Variants in PRKN observed in about 807,000 individuals in gnomAD.
PRKN encodes the protein parkin RBR E3 ubiquitin protein ligase.
A neutral mutation model predicts 59.5 loss-of-function variants in PRKN; 56 were observed. That is an observed-to-expected ratio of 0.94 (90% CI 0.76 to 1.18). The LOEUF (loss-of-function observed/expected upper bound fraction) is 1.18. Ranked by LOEUF, PRKN falls within the 50% of genes most tolerant of loss-of-function variation. PRKN has a pLI of 0.00. For missense variants in PRKN, 657 were observed against 596.4 expected, an observed-to-expected ratio of 1.10 and a Z score of -1.06; for synonymous variants, 250 against 222.1, an observed-to-expected ratio of 1.13 and a Z score of -1.12.
rs556411996 is a variant in PRKN, at chr6:162,322,596, T to C, written c.172-59831A>G. ...GAATTGACATCAAGATAAATAAATA[T>C]ATCAATGGAACAAAATGAGGGTAAA... On this transcript the variant is annotated intron_variant, in intron 2 of 11. Transcript: ENST00000366898. Among the ~76,000 whole-genome samples, 5 of 152,212 alleles carry C rather than the reference T, an allele frequency of 3.3e-5. No individual in the cohort carries two copies. In the South Asian group the frequency reaches 8.3e-4, roughly 25 times the overall value.
At position 161,518,052 on chromosome 6, in the gene PRKN, G is replaced by A. The variant is rs982467474; in HGVS notation, c.1083+30802C>T. 1.3e-5 allele frequency among the ~76,000 whole-genome samples: 2 copies of A among 152,198 alleles called. No individual in the cohort carries two copies. Among genetic ancestry groups the A allele is most frequent in the Non-Finnish European group, 2.9e-5 (2 of 68,034 alleles). On this transcript the variant is annotated intron_variant, in intron 9 of 11. Coordinates refer to ENST00000366898, the MANE Select transcript of PRKN (RefSeq NM_004562.3). This position sits in a 1 kb window ranked among gnomAD's most constrained non-coding sequence, Gnocchi z 5.0. ...TTGGCTGCACAGTGGCTTCAAGCTG[G>A]AGGGAGATTTGGCTTCTATGAGGGC...
intron 6 of PRKN, among the ~76,000 whole-genome samples, chr6:161,800,994 G>A (rs545849078): frequency 6.6e-6 from 1 of 152,146 alleles, no homozygotes; most frequent in Non-Finnish European, 1.5e-5. Context: ...GTACCTAGGA[G>A]GAGCTCCAAA....
chr6:162,119,103 G>A (rs1780799600), intron 4 of PRKN, among the ~76,000 whole-genome samples: 1 of 152,202 alleles, frequency 6.6e-6, no homozygotes, highest in African/African-American at 2.4e-5. Context: ...TACCTTCAAA[G>A]ATTTCCTTTA....
intron 7 of PRKN, among the ~76,000 whole-genome samples, chr6:161,687,184 C>A (rs1480152191): frequency 6.6e-6 from 1 of 151,356 alleles, no homozygotes; most frequent in East Asian, 2.0e-4. Context: ...GTCAGGAGTT[C>A]GAGACTAGTC....
chr6:161,628,879 A>C (rs1783193044), intron 7 of PRKN, among the ~76,000 whole-genome samples: 1 of 152,254 alleles, frequency 6.6e-6, no homozygotes, highest in African/African-American at 2.4e-5. Context: ...GCAGATAACC[A>C]GAGTGCTGAG....
At chr6:162,037,871 G>A (rs768829549) in intron 5 of PRKN, among the ~76,000 whole-genome samples, 8 of 151,522 alleles carry the variant, frequency 5.3e-5, no homozygotes, top group South Asian at 2.1e-4. Flanking sequence ...GTGAAAGTAC[G>A]TTGGCTAATT....
chr6:161,633,904 GA>G (rs1783408741), intron 7 of PRKN, among the ~76,000 whole-genome samples: 2 of 151,844 alleles, frequency 1.3e-5, no homozygotes, highest in African/African-American at 4.8e-5. Context: ...CCTGTCAGAC[GA>G]ATTAAAATGA....
At chr6:161,864,802 G>GT in intron 6 of PRKN, among the ~76,000 whole-genome samples, 1 of 36,310 alleles carries the variant, frequency 2.8e-5, no homozygotes, top group Non-Finnish European at 5.8e-5. Flanking sequence ...GATTACAGTC[G>GT]CCCACCACAC....
At chr6:162,613,232 A>T (rs1242422743) in intron 1 of PRKN, among the ~76,000 whole-genome samples, 1 of 152,222 alleles carries the variant, frequency 6.6e-6, no homozygotes, top group Non-Finnish European at 1.5e-5. Context: ...TTGCACTTAG[A>T]AGCACTGACA....
intron 3 of PRKN, among the ~76,000 whole-genome samples, chr6:162,260,681 G>A (rs1278124095): frequency 6.6e-6 from 1 of 152,116 alleles, no homozygotes; most frequent in African/African-American, 2.4e-5. Flanking sequence ...AGAGAGTAGA[G>A]CCAGATGCAC....
rs1020548709 is a variant in PRKN at position 161,390,053 on chromosome 6, C to A, written c.1084-3176G>T. On this transcript the variant is annotated intron_variant, in intron 9 of 11. Coordinates refer to ENST00000366898, the MANE Select transcript of PRKN (RefSeq NM_004562.3). The surrounding 1 kb of genome is among the most constrained non-coding windows in gnomAD (Gnocchi z 7.0). ...TGATGACTTCACAGGGAGGCACTGGCTAATTTGCTTCTATTCAAAGTATAA... is the reference window on the plus strand; with the variant it reads ...TGATGACTTCACAGGGAGGCACTGGATAATTTGCTTCTATTCAAAGTATAA... Among the ~76,000 whole-genome samples the A allele has an allele frequency of 6.6e-6, 1 of 152,210 alleles. No individual in the cohort carries two copies. The highest frequency in any genetic ancestry group is 6.5e-5 in the Admixed American group (1 of 15,282).
At chr6:162,344,981 C>A (rs1784337002) in intron 2 of PRKN, among the ~76,000 whole-genome samples, 1 of 152,106 alleles carries the variant, frequency 6.6e-6, no homozygotes, top group East Asian at 1.9e-4. Flanking sequence ...AAAGTGTGCA[C>A]CAAAAGGTAA....
chr6:162,579,000 T>C (rs1780672013), intron 1 of PRKN, among the ~76,000 whole-genome samples: 1 of 152,212 alleles, frequency 6.6e-6, no homozygotes, highest in African/African-American at 2.4e-5. Flanking sequence ...AAAGTTTATT[T>C]ACCCACATAT....
rs1212062496 is a variant in PRKN, at chr6:161,483,143, T to C, written c.1083+65711A>G. ...TATGTGTTCTGCAGATAAATGTTCT[T>C]TCCGGCTCGTGACAACTAACAATTG... On this transcript the variant is annotated intron_variant, in intron 9 of 11. Transcript: ENST00000366898. The surrounding 1 kb of genome is among the most constrained non-coding windows in gnomAD (Gnocchi z 5.0). 6.6e-6 allele frequency among the ~76,000 whole-genome samples: 1 copy of C among 150,570 alleles called. No homozygotes were observed. Among genetic ancestry groups the C allele is most frequent in the African/African-American group, 2.4e-5 (1 of 40,868 alleles).
chr6:162,041,640 G>C (rs1784072323), intron 5 of PRKN, among the ~76,000 whole-genome samples: 1 of 152,188 alleles, frequency 6.6e-6, no homozygotes, highest in Non-Finnish European at 1.5e-5. Flanking sequence ...AGGTACTCCA[G>C]TTGTGATCAC....
chr6:162,559,955 G>A (rs1022079372), intron 1 of PRKN, among the ~76,000 whole-genome samples: 1 of 152,140 alleles, frequency 6.6e-6, no homozygotes, highest in Admixed American at 6.6e-5. Context: ...AAATTCTCTT[G>A]TCTCAGCTTT....
intron 7 of PRKN, among the ~76,000 whole-genome samples, chr6:161,777,296 C>A (rs1013669013): frequency 3.3e-5 from 5 of 152,050 alleles, no homozygotes; most frequent in African/African-American, 1.2e-4. Context: ...AAGTATAACA[C>A]AATATCTGGT....
At position 161,468,070 on chromosome 6, in the gene PRKN, TCAAG is replaced by T. The variant is rs1790570237; in HGVS notation, c.1083+80780_1083+80783del. Among the ~76,000 whole-genome samples, 2 of 152,120 alleles carry T rather than the reference TCAAG, an allele frequency of 1.3e-5. No homozygotes were observed. Among genetic ancestry groups the T allele is most frequent in the African/African-American group, 4.8e-5 (2 of 41,428 alleles). On this transcript the variant is annotated intron_variant, in intron 9 of 11. Coordinates refer to ENST00000366898, the MANE Select transcript of PRKN (RefSeq NM_004562.3). This position sits in a 1 kb window ranked among gnomAD's most constrained non-coding sequence, Gnocchi z 5.9. ...TCACTGCAACCTCTGCCTTCCGGGT[TCAAG>T]CAATTTTCCTGCCTCAGCCTCCTGA... is the stretch of plus-strand genomic sequence containing the variant.
intron 6 of PRKN, among the ~76,000 whole-genome samples, chr6:161,880,976 G>C (rs57236720): frequency 0.16 from 23,719 of 152,050 alleles, 2,605 homozygotes; most frequent in African/African-American, 0.31. Context: ...AGTTATGTGG[G>C]GTTTGCTTTT....
Sources: allele counts gnomAD v4.1 joint callset (sites outside exome capture counted in the v4.1 genomes callset), GRCh38; gene constraint gnomAD v4.1.1; non-coding constraint Gnocchi (gnomAD v3.1); transcripts MANE v1.5; gene names NCBI Gene and HGNC (gene_info 2026-07-23, HGNC 2026-07-21).